LOC128462377: variants seen among roughly 807,000 people sequenced by gnomAD.
the LOC128462377 span, among the ~76,000 whole-genome samples, chr16:89,378,659 G>T: frequency 1.3e-5 from 2 of 152,160 alleles, no homozygotes; most frequent in African/African-American, 4.8e-5. Flanking sequence ...TGTACACAAA[G>T]ATTTCTGCCT....
At chr16:89,332,319 C>T in the LOC128462377 span, among the ~76,000 whole-genome samples, 18 of 152,272 alleles carry the variant, frequency 1.2e-4, no homozygotes, top group African/African-American at 3.1e-4. Flanking sequence ...TCTTCAGCTC[C>T]GTGAAGTCCT....
chr16:89,398,326 C>G, the LOC128462377 span, among the ~76,000 whole-genome samples: 49 of 125,146 alleles, frequency 3.9e-4, no homozygotes, highest in African/African-American at 1.5e-3. Flanking sequence ...TGTGAAACAG[C>G]TGAAGACTAC....
At chr16:89,401,879 G>A in the LOC128462377 span, among the ~76,000 whole-genome samples, 36 of 150,650 alleles carry the variant, frequency 2.4e-4, no homozygotes, top group Non-Finnish European at 4.7e-4. Flanking sequence ...CCCAGAACCC[G>A]CCGGGCACAC....
At chr16:89,392,546 G>A in the LOC128462377 span, 2 of 152,040 alleles carry the variant, frequency 1.3e-5, no homozygotes, top group Non-Finnish European at 2.9e-5. Flanking sequence ...GCCACGCTGA[G>A]ATGCTCCAGG....
At chr16:89,368,779 G>A in the LOC128462377 span, among the ~76,000 whole-genome samples, 2 of 152,070 alleles carry the variant, frequency 1.3e-5, no homozygotes, top group African/African-American at 2.4e-5. Context: ...GGTGGTGCAC[G>A]CCTGTGGTTT....
chr16:89,334,163 A>AAAAAAAC, the LOC128462377 span, among the ~76,000 whole-genome samples: 4 of 143,984 alleles, frequency 2.8e-5, no homozygotes, highest in African/African-American at 1.0e-4. Flanking sequence ...AAAAAAAAAA[A>AAAAAAAC]AAAAAAAAAA....
chr16:89,345,419 C>T, the LOC128462377 span, among the ~76,000 whole-genome samples: 124 of 152,310 alleles, frequency 8.1e-4, no homozygotes, highest in African/African-American at 2.8e-3. Flanking sequence ...TAAGGGCTAG[C>T]ACTGGGAGGC....
chr16:89,332,834 C>T, the LOC128462377 span, among the ~76,000 whole-genome samples: 14 of 152,356 alleles, frequency 9.2e-5, no homozygotes, highest in South Asian at 6.2e-4. Flanking sequence ...CCCTTAGAAA[C>T]GTCCATTTCT....
At chr16:89,342,648 T>A in the LOC128462377 span, among the ~76,000 whole-genome samples, 2 of 152,228 alleles carry the variant, frequency 1.3e-5, no homozygotes, top group African/African-American at 4.8e-5. Flanking sequence ...AAGTATGAGC[T>A]GACATTCTTA....
the LOC128462377 span, among the ~76,000 whole-genome samples, chr16:89,417,314 C>T: frequency 6.6e-6 from 1 of 152,182 alleles, no homozygotes; most frequent in Non-Finnish European, 1.5e-5. Context: ...TTGGAATGTT[C>T]ACTTTAAAAC....
chr16:89,416,754 ACT>A, the LOC128462377 span, among the ~76,000 whole-genome samples: 227 of 147,070 alleles, frequency 1.5e-3, 1 homozygote, highest in African/African-American at 5.6e-3. Flanking sequence ...ACGTAACAAG[ACT>A]CTGTTTCTAC....
At chr16:89,373,537 G>A in the LOC128462377 span, 1 of 152,384 alleles carries the variant, frequency 6.6e-6, no homozygotes, top group Admixed American at 6.5e-5. Context: ...GCTGCAAGGG[G>A]AGGCTAAATA....
chr16:89,337,666 T>C, the LOC128462377 span, among the ~76,000 whole-genome samples: 1 of 152,062 alleles, frequency 6.6e-6, no homozygotes, highest in Non-Finnish European at 1.5e-5. Context: ...GGTCTCAATC[T>C]CCTGACCTCG....
At chr16:89,396,633 C>T in the LOC128462377 span, among the ~76,000 whole-genome samples, 13 of 152,230 alleles carry the variant, frequency 8.5e-5, no homozygotes, top group Admixed American at 8.5e-4. Flanking sequence ...TGAAGCCACA[C>T]ATTAATGGGG....
At chr16:89,337,843 T>C in the LOC128462377 span, among the ~76,000 whole-genome samples, 1 of 152,140 alleles carries the variant, frequency 6.6e-6, no homozygotes, top group Non-Finnish European at 1.5e-5. Context: ...GCAATGCCTG[T>C]TCCTCTCCCT....
chr16:89,335,220 T>A, the LOC128462377 span, among the ~76,000 whole-genome samples: 1 of 152,116 alleles, frequency 6.6e-6, no homozygotes, highest in Non-Finnish European at 1.5e-5. Context: ...TGGCGTTCCA[T>A]GCAGGCTGGG....
chr16:89,384,340 G>T, the LOC128462377 span, among the ~76,000 whole-genome samples: 1 of 152,210 alleles, frequency 6.6e-6, no homozygotes. Flanking sequence ...AGACCAGCCC[G>T]TCCAACATAG....
chr16:89,351,146 G>A, the LOC128462377 span, among the ~76,000 whole-genome samples: 2 of 152,240 alleles, frequency 1.3e-5, no homozygotes, highest in African/African-American at 2.4e-5. Context: ...ACGATGGCGG[G>A]CACAAGAGCT....
At chr16:89,381,354 A>AGGTG in the LOC128462377 span, among the ~76,000 whole-genome samples, 93 of 125,336 alleles carry the variant, frequency 7.4e-4, no homozygotes, top group South Asian at 0.022. Context: ...AAAAAAAAAA[A>AGGTG]GGGGTGAGAA....
Sources: gnomAD v4.1 joint callset for allele counts (sites outside exome capture counted in the v4.1 genomes callset) on GRCh38, gnomAD v4.1.1 for gene constraint, MANE v1.5 for transcripts.